Variants in CNTNAP2 observed in about 807,000 individuals in gnomAD.
CNTNAP2 encodes contactin associated protein 2, also known as contactin-associated protein-like 2.
Under a neutral mutation model 155.2 loss-of-function variants are expected in CNTNAP2, and 98 were observed. The ratio of observed to expected loss-of-function variants is 0.63; its 90% CI spans 0.54 to 0.75. The LOEUF is 0.75. Among genes scored for constraint, CNTNAP2 ranks in the 30% least tolerant of loss-of-function variants. The probability of loss-of-function intolerance (pLI) is 0.00; values close to 1 mark genes in which losing one functional copy is unlikely to be tolerated. For synonymous variants in CNTNAP2, 651 were observed against 631.2 expected (o/e 1.03, Z -0.47); for missense variants, 1,727 against 1,688.1 (o/e 1.02, Z -0.40).
intron 8 of CNTNAP2, among the ~76,000 whole-genome samples, chr7:147,168,029 T>C (rs1169980646): frequency 1.3e-5 from 2 of 149,030 alleles, no homozygotes; most frequent in African/African-American, 4.9e-5. Flanking sequence ...TGTATATGTG[T>C]GTTTACATAT....
At chr7:148,268,085 T>C (rs895179677) in intron 21 of CNTNAP2, among the ~76,000 whole-genome samples, 9 of 152,142 alleles carry the variant, frequency 5.9e-5, no homozygotes, top group African/African-American at 2.2e-4. Context: ...GCCACAGATA[T>C]GTGAAGATTA....
chr7:147,782,129 T>C lies in CNTNAP2; in HGVS notation c.2099-121436T>C, dbSNP rs73458300. Among the ~76,000 whole-genome samples, 554 of 151,908 alleles carry C rather than the reference T, an allele frequency of 3.6e-3. 2 individuals carry two copies. Among genetic ancestry groups the C allele is most frequent in the African/African-American group, 0.013 (522 of 41,410 alleles). ...GTTCCAGTGCGTGTCTAATACCCAATCAGAAGATTATAGACATCTATCTCA... is the reference window on the plus strand; with the variant it reads ...GTTCCAGTGCGTGTCTAATACCCAACCAGAAGATTATAGACATCTATCTCA... On this transcript the variant is annotated intron_variant, in intron 13 of 23. Transcript: ENST00000361727.
intron 15 of CNTNAP2, among the ~76,000 whole-genome samples, chr7:148,030,863 G>C (rs1802464582): frequency 6.6e-6 from 1 of 152,126 alleles, no homozygotes; most frequent in Non-Finnish European, 1.5e-5. Flanking sequence ...AGTTTCATCT[G>C]AGTCAGGAGG....
chr7:146,861,978 A>G (rs1795111178), intron 3 of CNTNAP2, among the ~76,000 whole-genome samples: 1 of 152,156 alleles, frequency 6.6e-6, no homozygotes, highest in Non-Finnish European at 1.5e-5. Flanking sequence ...ACTGTAATTA[A>G]AAAGCACTTG....
intron 1 of CNTNAP2, among the ~76,000 whole-genome samples, chr7:146,235,781 A>T (rs1171688479): frequency 6.6e-6 from 1 of 152,108 alleles, no homozygotes; most frequent in African/African-American, 2.4e-5. Context: ...AGAGCATGAC[A>T]GTTCTGCTGT....
intron 15 of CNTNAP2, among the ~76,000 whole-genome samples, chr7:148,016,678 G>C (rs1802181965): frequency 6.6e-6 from 1 of 152,208 alleles, no homozygotes; most frequent in Admixed American, 6.5e-5. Context: ...GAAGGAAGAA[G>C]TTACCATAAT....
chr7:148,132,156 G>A (rs911920683), intron 16 of CNTNAP2, among the ~76,000 whole-genome samples: 3 of 152,002 alleles, frequency 2.0e-5, no homozygotes, highest in African/African-American at 7.3e-5. Context: ...AATAAAAACA[G>A]TTTGTTATAA....
intron 4 of CNTNAP2, among the ~76,000 whole-genome samples, chr7:147,069,842 A>G (rs572644326): frequency 6.6e-6 from 1 of 152,336 alleles, no homozygotes; most frequent in South Asian, 2.1e-4. Context: ...ATATGTAGCT[A>G]TGGAGCATTC....
intron 11 of CNTNAP2, among the ~76,000 whole-genome samples, chr7:147,495,439 A>G (rs1189379178): frequency 6.6e-6 from 1 of 152,210 alleles, no homozygotes; most frequent in East Asian, 1.9e-4. Flanking sequence ...TACTTTTAAT[A>G]GAGCTGGTTT....
intron 11 of CNTNAP2, among the ~76,000 whole-genome samples, chr7:147,542,387 G>A (rs912476045): frequency 1.3e-5 from 2 of 151,946 alleles, no homozygotes; most frequent in Non-Finnish European, 2.9e-5. Flanking sequence ...TGGGCAGGCA[G>A]AGCACCTGTT....
intron 18 of CNTNAP2, among the ~76,000 whole-genome samples, chr7:148,177,102 G>A (rs903279991): frequency 6.6e-6 from 1 of 152,194 alleles, no homozygotes; most frequent in East Asian, 1.9e-4. Flanking sequence ...ACCTATAGTA[G>A]AGGCAGCAAT....
chr7:148,167,231 C>T (rs1301762541), intron 17 of CNTNAP2, among the ~76,000 whole-genome samples: 1 of 152,024 alleles, frequency 6.6e-6, no homozygotes, highest in Non-Finnish European at 1.5e-5. Flanking sequence ...CCTCTGCCTC[C>T]CAGGTTCATG....
intron 10 of CNTNAP2, among the ~76,000 whole-genome samples, chr7:147,477,621 A>G (rs1157119839): frequency 6.6e-6 from 1 of 152,202 alleles, no homozygotes; most frequent in Non-Finnish European, 1.5e-5. Context: ...CTAGTAAAAA[A>G]TGTTCTAAAT....
intron 21 of CNTNAP2, among the ~76,000 whole-genome samples, chr7:148,307,868 G>A (rs11976858): frequency 0.14 from 21,760 of 152,030 alleles, 2,073 homozygotes; most frequent in African/African-American, 0.27. Flanking sequence ...AGCTAATGGG[G>A]ATGCTGAGGC....
chr7:147,374,583 C>G (rs1259142652), intron 9 of CNTNAP2, among the ~76,000 whole-genome samples: 1 of 152,018 alleles, frequency 6.6e-6, no homozygotes, highest in Non-Finnish European at 1.5e-5. Context: ...GTGTTCATCT[C>G]TAGGTGAAGC....
chr7:147,242,403 GCTT>G (rs1380610090), intron 8 of CNTNAP2, among the ~76,000 whole-genome samples: 2 of 152,068 alleles, frequency 1.3e-5, no homozygotes, highest in African/African-American at 4.8e-5. Context: ...AGTAGTACCC[GCTT>G]CTTCTTTACA....
chr7:146,327,288 T>C (rs1206015214), intron 1 of CNTNAP2, among the ~76,000 whole-genome samples: 1 of 152,212 alleles, frequency 6.6e-6, no homozygotes, highest in Non-Finnish European at 1.5e-5. Flanking sequence ...GTAAACAATA[T>C]GCTATATAAC....
At chr7:146,575,082 A>G (rs1021315774) in intron 1 of CNTNAP2, among the ~76,000 whole-genome samples, 73 of 152,192 alleles carry the variant, frequency 4.8e-4, no homozygotes, top group Non-Finnish European at 5.3e-4. Context: ...GCCTTAGCCT[A>G]TACAATAACT....
At chr7:147,720,095 A>G (rs551920992) in intron 13 of CNTNAP2, among the ~76,000 whole-genome samples, 1 of 152,130 alleles carries the variant, frequency 6.6e-6, no homozygotes, top group Admixed American at 6.6e-5. Flanking sequence ...ACTCTTCCCC[A>G]AGATTCACGT....
Sources: gnomAD v4.1 joint callset for allele counts (sites outside exome capture counted in the v4.1 genomes callset) on GRCh38, gnomAD v4.1.1 for gene constraint, MANE v1.5 for transcripts, NCBI Gene and HGNC (gene_info 2026-07-23, HGNC 2026-07-21) for gene names.